The following KIF1C variants were observed in gnomAD, a reference collection of about 807,000 sequenced individuals.
KIF1C encodes the protein kinesin family member 1C, also known as kinesin-like protein KIF1C.
Under a neutral mutation model 126.5 loss-of-function variants are expected in KIF1C, and 61 were observed. The observed-to-expected ratio is 0.48, with a 90% CI of 0.39 to 0.60. KIF1C has a LOEUF of 0.60. KIF1C is among the 20% of genes least tolerant of loss of function. The pLI is 0.00. For missense variants in KIF1C, 1,315 were observed against 1,489.2 expected (o/e 0.88, Z 1.93); for synonymous variants, 640 against 580.6 (o/e 1.10, Z -1.47).
At chr17:5,014,902 T>C in intron 18 of KIF1C, 65 bp downstream of exon 18, 1 of 1,351,386 alleles carries the variant, frequency 7.4e-7, no homozygotes, top group Non-Finnish European at 1.0e-6. Flanking sequence ...CCCCACACAC[T>C]GAACTCAGAG....
intron 8 of KIF1C, 87 bp from the exon 9 acceptor site, chr17:5,003,525 G>C: frequency 1.1e-6 from 1 of 903,792 alleles, no homozygotes; most frequent in Admixed American, 2.4e-5. Flanking sequence ...CTTGCCAGCT[G>C]CCCACATTCC....
chr17:5,016,326 A>G (rs190936042), intron 18 of KIF1C, among the ~76,000 whole-genome samples: 5 of 151,678 alleles, frequency 3.3e-5, no homozygotes, highest in Middle Eastern at 6.8e-3. Context: ...TAGTAGAAAC[A>G]GGGTTTCTCC....
In KIF1C at chr17:5,020,064, C is replaced by T. The variant is rs1975056203; in HGVS notation, c.1735C>T (p.Leu579=). The change falls in exon 19 of 23, where the codon CTG becomes TTG. Residue 579 remains leucine (L), a synonymous_variant. Transcript: ENST00000320785. The surrounding 1 kb of genome is among the most constrained non-coding windows in gnomAD (Gnocchi z 5.8). ...GAATGGGAAGCTTGTGACGGAGCCG[C>T]TGGTGCTGAAGTCAGGTAGAAGATG... is the stretch of plus-strand genomic sequence containing the variant. The part of the protein sequence containing the change: ...YVNGKLVTEP[L]VLKSGNRIVM... 1.3e-6 allele frequency: 2 copies of T among 1,595,110 alleles called. No homozygotes were observed. Among genetic ancestry groups the T allele is most frequent in the East Asian group, 2.3e-5 (1 of 44,096 alleles).
rs1033849671 is a variant in KIF1C, at chr17:5,022,154, C to T, written c.2073C>T (p.Leu691=). The change falls in exon 22 of 23, where the codon CTC becomes CTT. Residue 691 remains leucine (L), a synonymous_variant. Coordinates refer to ENST00000320785, the MANE Select transcript of KIF1C (RefSeq NM_006612.6). This position sits in a 1 kb window ranked among gnomAD's most constrained non-coding sequence, Gnocchi z 4.9. ...DKRSCEESWR[L]ISSLREQLPP... ...GCTCTTGTGAAGAGAGCTGGAGGCT[C>T]ATCTCCTCCTTGCGGGAGCAGCTGC... 1 of 1,613,862 alleles carries T rather than the reference C, an allele frequency of 6.2e-7. No homozygotes were observed. The highest frequency in any genetic ancestry group is 8.5e-7 in the Non-Finnish European group (1 of 1,179,820).
In KIF1C at chr17:5,020,544, G is replaced by A. The variant is rs1376812917; in HGVS notation, c.1803G>A (p.Glu601=). 1.2e-6 allele frequency: 2 copies of A among 1,614,112 alleles called. No homozygotes were observed. The highest frequency in any genetic ancestry group is 1.3e-5 in the African/African-American group (1 of 74,954). The change falls in exon 20 of 23, where the codon GAG becomes GAA. Residue 601 remains glutamate (E), a synonymous_variant. Coordinates refer to ENST00000320785, the MANE Select transcript of KIF1C (RefSeq NM_006612.6). This position sits in a 1 kb window ranked among gnomAD's most constrained non-coding sequence, Gnocchi z 5.8. ...KNHVFRFNHP[E]QARLERERGV... is the part of the protein sequence containing the mutation. ...ACGTTTTCCGCTTCAACCACCCGGA[G>A]CAGGCAAGGCTGGAACGGGAACGAG...
Position 5,023,770 on chromosome 17 carries a change from A to G in KIF1C, c.2931A>G (p.Leu977=). The change falls in exon 23 of 23, where the codon CTA becomes CTG. Residue 977 remains leucine (L), a synonymous_variant. Coordinates refer to ENST00000320785, the MANE Select transcript of KIF1C (RefSeq NM_006612.6). This position sits in a 1 kb window ranked among gnomAD's most constrained non-coding sequence, Gnocchi z 4.2. ...TTGTGCCCCCTCACGACTGCAAGCT[A>G]CGCTTCCCCTTCAAGAGCAACCCCC... ...ARFVPPHDCK[L]RFPFKSNPQH... is the part of the protein sequence containing the mutation. The G allele has an allele frequency of 6.6e-7, 1 of 1,522,058 alleles. No individual in the cohort carries two copies. Among genetic ancestry groups the G allele is most frequent in the Non-Finnish European group, 8.8e-7 (1 of 1,138,102 alleles). The allele number at this position is 1,522,058 out of a possible 1,614,324, so 94.3% of individuals were successfully genotyped here.
intron 6 of KIF1C, 67 bp from the exon 7 acceptor site, chr17:5,002,397 T>A: frequency 1.4e-6 from 2 of 1,417,596 alleles, no homozygotes; most frequent in Non-Finnish European, 1.9e-6. Context: ...TCCAGTGGAG[T>A]CAGATTAAGT....
intron 1 of KIF1C, chr17:4,999,081 G>C (rs917755357): frequency 6.6e-6 from 1 of 152,154 alleles, no homozygotes; most frequent in Non-Finnish European, 1.5e-5. Context: ...GAGCCCTGAG[G>C]GTTGGTCTGA....
intron 1 of KIF1C, among the ~76,000 whole-genome samples, chr17:4,999,647 C>A (rs892129469): frequency 6.6e-6 from 1 of 152,232 alleles, no homozygotes; most frequent in African/African-American, 2.4e-5. Context: ...TCTATCTGAA[C>A]GTTCAGTACA....
rs1975165086 is a variant in KIF1C at position 5,024,305 on chromosome 17, G to T, written c.*154G>T. ...TGATAGAAGACAAGGGGGAGACCGA[G>T]CCGGAGGCTGAGGAAAGGAAGAGGG... On this transcript the variant is annotated 3_prime_UTR_variant, in exon 23 of 23. Coordinates refer to ENST00000320785, the MANE Select transcript of KIF1C (RefSeq NM_006612.6). The T allele has an allele frequency of 7.1e-6, 4 of 566,038 alleles. No homozygotes were observed. The highest frequency in any genetic ancestry group is 3.9e-5 in the African/African-American group (2 of 51,000). The allele number at this position is 566,038 out of a possible 1,614,324, so 35.1% of individuals were successfully genotyped here.
rs1260838143 is a variant in KIF1C, at chr17:5,026,425, T to G, written c.*2274T>G. On this transcript the variant is annotated 3_prime_UTR_variant, in exon 23 of 23. Coordinates refer to ENST00000320785, the MANE Select transcript of KIF1C (RefSeq NM_006612.6). ...ATTATTTTTCCCTAAAGACCTTGACTTATGTAAATGTATATTATCCATAAT... is the reference window on the plus strand; with the variant it reads ...ATTATTTTTCCCTAAAGACCTTGACGTATGTAAATGTATATTATCCATAAT... 1 of 152,150 alleles carries G rather than the reference T, an allele frequency of 6.6e-6. No homozygotes were observed. The highest frequency in any genetic ancestry group is 1.9e-4 in the East Asian group (1 of 5,200). 9.4% of individuals were successfully genotyped at this position (152,150 alleles called of 1,614,324 possible).
At chr17:5,005,088 G>A in intron 13 of KIF1C, 88 bp downstream of exon 13, 1 of 1,539,274 alleles carries the variant, frequency 6.5e-7, no homozygotes, top group Non-Finnish European at 8.9e-7. Context: ...CTGGAGCCAG[G>A]GAGGGACCAC....
chr17:4,998,848 G>A (rs568780212), intron 1 of KIF1C, among the ~76,000 whole-genome samples: 119 of 152,278 alleles, frequency 7.8e-4, no homozygotes, highest in African/African-American at 2.5e-3. Context: ...CCTGTTGTCC[G>A]TGGGCGTGGG....
rs1975174373 is a variant in KIF1C at position 5,024,599 on chromosome 17, A to G, written c.*448A>G. 6.3e-6 allele frequency: 1 copy of G among 159,192 alleles called. No individual in the cohort carries two copies. The allele number at this position is 159,192 out of a possible 1,614,324, so 9.9% of individuals were successfully genotyped here. On this transcript the variant is annotated 3_prime_UTR_variant, in exon 23 of 23. Transcript: ENST00000320785. ...GGGAGGCATGGTAGGATCATAAGTC[A>G]TTCCCCTCCCCTTCCAGGCCTCCTG...
intron 18 of KIF1C, 73 bp downstream of exon 18, chr17:5,014,910 G>C: frequency 7.6e-7 from 1 of 1,310,698 alleles, no homozygotes; most frequent in South Asian, 1.3e-5. Context: ...ACTGAACTCA[G>C]AGGTCTGGGT....
chr17:5,001,271 G>C lies in KIF1C; in HGVS notation c.233G>C (p.Gly78Ala). The change falls in exon 5 of 23, where the codon GGA becomes GCA. Residue 78 changes from glycine to alanine, a missense_variant. By Grantham distance (60) the Gly-to-Ala change is moderately conservative (BLOSUM62 0). Around this residue, in one of 2 missense-constraint regions of KIF1C, gnomAD observed 874 missense variants for 1,053.2 expected, o/e 0.83. Coordinates refer to ENST00000320785, the MANE Select transcript of KIF1C (RefSeq NM_006612.6). ...CAGCAGCAAGTGTATCGGGACATTGGAGAAGAGATGCTGCTCCACGCCTTT... is the reference window on the plus strand; with the variant it reads ...CAGCAGCAAGTGTATCGGGACATTGCAGAAGAGATGCTGCTCCACGCCTTT... Reference protein sequence around the residue: ...ASQQQVYRDIGEEMLLHAFEG... With the variant: ...ASQQQVYRDIAEEMLLHAFEG... 1 of 1,614,152 alleles carries C rather than the reference G, an allele frequency of 6.2e-7. No homozygotes were observed. The highest frequency in any genetic ancestry group is 8.5e-7 in the Non-Finnish European group (1 of 1,179,984).
intron 13 of KIF1C, among the ~76,000 whole-genome samples, chr17:5,006,338 C>G (rs549626848): frequency 6.6e-6 from 1 of 151,232 alleles, no homozygotes; most frequent in Admixed American, 6.6e-5. Context: ...TCCGGCCCAG[C>G]TAAGAATTTT....
intron 4 of KIF1C, 80 bp from the exon 5 acceptor site, chr17:5,001,142 G>A: frequency 6.9e-7 from 1 of 1,442,544 alleles, no homozygotes; most frequent in Non-Finnish European, 9.6e-7. Flanking sequence ...AGTGATGGAA[G>A]CAAGACTCTT....
chr17:4,999,943 C>T lies in KIF1C; in HGVS notation c.-55C>T. 1 of 389,110 alleles carries T rather than the reference C, an allele frequency of 2.6e-6. No individual in the cohort carries two copies. The highest frequency in any genetic ancestry group is 2.7e-5 in the South Asian group (1 of 36,666). The allele number at this position is 389,110 out of a possible 1,614,324, so 24.1% of individuals were successfully genotyped here. A position where few individuals can be genotyped will look rare whatever the true frequency, so the allele number is the denominator to read the frequency against. ...CCGGTGGCAGCCAGAACTGATACAG[C>T]CCCCCTGGTCTGGGGCCAGGACGCC... On this transcript the variant is annotated 5_prime_UTR_variant, in exon 2 of 23. Coordinates refer to ENST00000320785, the MANE Select transcript of KIF1C (RefSeq NM_006612.6).
Sources: gnomAD v4.1 joint callset for allele counts (sites outside exome capture counted in the v4.1 genomes callset) on GRCh38, gnomAD v4.1.1 for gene constraint, gnomAD v4.1.1 regional missense constraint, Gnocchi (gnomAD v3.1) non-coding constraint, MANE v1.5 for transcripts, NCBI Gene and HGNC (gene_info 2026-07-23, HGNC 2026-07-21) for gene names.